CDC42BPB: variants seen among roughly 807,000 people sequenced by gnomAD.
CDC42BPB encodes serine/threonine-protein kinase MRCK beta.
A neutral mutation model predicts 214.9 loss-of-function variants in CDC42BPB; 37 were observed. The ratio of observed to expected loss-of-function variants is 0.17; its 90% CI spans 0.13 to 0.23. The LOEUF (loss-of-function observed/expected upper bound fraction) is 0.23, where lower values mean the gene tolerates loss of function less well. Among genes scored for constraint, CDC42BPB ranks in the 10% least tolerant of loss-of-function variants. CDC42BPB has a pLI of 1.00. For missense variants in CDC42BPB, 1,694 were observed against 2,227.0 expected (o/e 0.76, Z 4.82); for synonymous variants, 931 against 884.0 (o/e 1.05, Z -0.94).
At chr14:103,016,877 G>A (rs1339596360) in intron 1 of CDC42BPB, among the ~76,000 whole-genome samples, 1 of 152,080 alleles carries the variant, frequency 6.6e-6, no homozygotes, top group Non-Finnish European at 1.5e-5. Context: ...GTGGACCATG[G>A]TCTCTAAAGA....
intron 27 of CDC42BPB, among the ~76,000 whole-genome samples, chr14:102,947,155 T>C (rs1892219454): frequency 6.6e-6 from 1 of 152,192 alleles, no homozygotes. Flanking sequence ...TGTTTCTGAA[T>C]AGAGCTGTGA....
In CDC42BPB at chr14:103,041,194, G is replaced by A. The variant is rs530128900; in HGVS notation, c.175+15805C>T. 7.9e-5 allele frequency among the ~76,000 whole-genome samples: 12 copies of A among 152,296 alleles called. 1 individual carries two copies. The highest frequency in any genetic ancestry group is 3.4e-3 in the Middle Eastern group (1 of 294). On this transcript the variant is annotated intron_variant, in intron 1 of 36. Coordinates refer to ENST00000361246, the MANE Select transcript of CDC42BPB (RefSeq NM_006035.4). ...ACGGGGGAAAGAATATAGTCTGTTC[G>A]ACAAACATTGTTGGAACTGGTTATC...
chr14:102,945,953 G>T (rs1229323272), intron 28 of CDC42BPB, among the ~76,000 whole-genome samples: 1 of 152,146 alleles, frequency 6.6e-6, no homozygotes, highest in Non-Finnish European at 1.5e-5. Flanking sequence ...GGTGTGTGTG[G>T]GGCTCCTGGA....
At chr14:103,032,556 A>T (rs1469555288) in intron 1 of CDC42BPB, among the ~76,000 whole-genome samples, 1 of 147,672 alleles carries the variant, frequency 6.8e-6, no homozygotes, top group East Asian at 2.0e-4. Context: ...AAAAAAAAAA[A>T]GGAGAGAGAA....
At chr14:103,043,573 G>A (rs918174018) in intron 1 of CDC42BPB, among the ~76,000 whole-genome samples, 3 of 152,008 alleles carry the variant, frequency 2.0e-5, no homozygotes, top group Non-Finnish European at 4.4e-5. Context: ...CGGTGATGGC[G>A]AAGATGGTTG....
intron 1 of CDC42BPB, among the ~76,000 whole-genome samples, chr14:103,025,058 GAA>G (rs907069779): frequency 1.9e-4 from 29 of 152,238 alleles, no homozygotes; most frequent in African/African-American, 6.3e-4. Flanking sequence ...TGTGAATTCA[GAA>G]AAGTCTGGTT....
Position 102,966,357 on chromosome 14 carries a change from G to A in CDC42BPB, c.2502C>T (p.Tyr834=). ...WVSDEKDARG[Y]LQALASKMTE... ...TCATCTTGGAAGCAAGAGCTTGAAG[G>A]TAACCCCGGGCATCTTTCTCGTCAC... The change falls in exon 18 of 37, where the codon TAC becomes TAT. Residue 834 remains tyrosine (Y), a synonymous_variant. Transcript: ENST00000361246. The A allele has an allele frequency of 6.2e-7, 1 of 1,614,000 alleles. No individual in the cohort carries two copies. The highest frequency in any genetic ancestry group is 1.1e-5 in the South Asian group (1 of 91,078).
intron 4 of CDC42BPB, among the ~76,000 whole-genome samples, chr14:103,002,680 G>C (rs1373532942): frequency 6.6e-6 from 1 of 152,132 alleles, no homozygotes; most frequent in East Asian, 1.9e-4. Flanking sequence ...CTGGGGCTGG[G>C]TCTTGGTCAC....
At chr14:103,020,822 C>T (rs549050520) in intron 1 of CDC42BPB, among the ~76,000 whole-genome samples, 18 of 152,380 alleles carry the variant, frequency 1.2e-4, no homozygotes, top group African/African-American at 3.4e-4. Context: ...GACGCAGCTA[C>T]GGAAGATTAG....
intron 36 of CDC42BPB, among the ~76,000 whole-genome samples, chr14:102,937,424 G>C (rs756843924): frequency 6.6e-6 from 1 of 152,206 alleles, no homozygotes; most frequent in African/African-American, 2.4e-5. Flanking sequence ...CCGTCCGTTC[G>C]GCAGCTGATG....
chr14:103,038,104 A>C (rs191279983), intron 1 of CDC42BPB, among the ~76,000 whole-genome samples: 1 of 151,968 alleles, frequency 6.6e-6, no homozygotes, highest in African/African-American at 2.4e-5. Flanking sequence ...TGGGAGGCCG[A>C]GGTGGGTGGA....
At chr14:103,028,503 C>A (rs552103835) in intron 1 of CDC42BPB, among the ~76,000 whole-genome samples, 2 of 152,216 alleles carry the variant, frequency 1.3e-5, no homozygotes, top group Non-Finnish European at 2.9e-5. Context: ...CCAGCCTAAT[C>A]GTTTTGTGAT....
chr14:102,965,223 C>T (rs1302899485), intron 18 of CDC42BPB, among the ~76,000 whole-genome samples: 3 of 152,186 alleles, frequency 2.0e-5, no homozygotes, highest in Non-Finnish European at 2.9e-5. Flanking sequence ...TGAGCCGCTG[C>T]GCCTGGCCTC....
intron 1 of CDC42BPB, among the ~76,000 whole-genome samples, chr14:103,015,883 A>AT (rs1231998343): frequency 0.015 from 2,126 of 139,412 alleles, 43 homozygotes; most frequent in African/African-American, 0.049. Flanking sequence ...TAATTTTTGT[A>AT]TTTTTTTTTT....
At chr14:102,942,425 C>G (rs1330101169) in intron 30 of CDC42BPB, among the ~76,000 whole-genome samples, 1 of 152,232 alleles carries the variant, frequency 6.6e-6, no homozygotes, top group Admixed American at 6.5e-5. Flanking sequence ...GAATGTCATT[C>G]CCCAACTCTT....
intron 6 of CDC42BPB, among the ~76,000 whole-genome samples, chr14:102,984,599 C>A (rs1252623446): frequency 6.6e-6 from 1 of 152,066 alleles, no homozygotes; most frequent in Admixed American, 6.6e-5. Flanking sequence ...GCTGCGAGGG[C>A]ACGGGCCACC....
In CDC42BPB at chr14:103,004,229, G is replaced by C. The variant is rs1895130530; in HGVS notation, c.352-206C>G. On this transcript the variant is annotated intron_variant, in intron 3 of 36. Coordinates refer to ENST00000361246, the MANE Select transcript of CDC42BPB (RefSeq NM_006035.4). This position sits in a 1 kb window ranked among gnomAD's most constrained non-coding sequence, Gnocchi z 5.3. ...CCCAAGCCCCGTGCAAGTGCCAAGG[G>C]CTGCTGAGGAGGCACTTGCACCCTG... 21 of 1,288,188 alleles carry C rather than the reference G, an allele frequency of 1.6e-5. No homozygotes were observed. The highest frequency in any genetic ancestry group is 2.1e-5 in the Non-Finnish European group (21 of 1,008,814). 79.8% of individuals were successfully genotyped at this position (1,288,188 alleles called of 1,614,324 possible).
At chr14:103,053,493 G>A (rs1470152506) in intron 1 of CDC42BPB, among the ~76,000 whole-genome samples, 1 of 152,092 alleles carries the variant, frequency 6.6e-6, no homozygotes, top group East Asian at 1.9e-4. Context: ...CAGGCACGGT[G>A]GCTCACACCT....
intron 1 of CDC42BPB, among the ~76,000 whole-genome samples, chr14:103,052,388 T>A (rs1173945456): frequency 6.6e-6 from 1 of 152,220 alleles, no homozygotes. Flanking sequence ...AGAGAAATCA[T>A]TAAGATAAAA....
Sources: allele counts gnomAD v4.1 joint callset (sites outside exome capture counted in the v4.1 genomes callset), GRCh38; gene constraint gnomAD v4.1.1; non-coding constraint Gnocchi (gnomAD v3.1); transcripts MANE v1.5; gene names NCBI Gene and HGNC (gene_info 2026-07-23, HGNC 2026-07-21).